The following FBN1 variants were observed in gnomAD, a reference collection of about 807,000 sequenced individuals.
FBN1 encodes the protein fibrillin-1.
In FBN1, 29 loss-of-function variants were observed where a neutral mutation model predicts 365.1. The observed-to-expected ratio is 0.08, with a 90% CI of 0.06 to 0.11. The LOEUF is 0.11. Among genes scored for constraint, FBN1 ranks in the 10% least tolerant of loss-of-function variants. The probability of loss-of-function intolerance (pLI) is 1.00; values close to 1 mark genes in which losing one functional copy is unlikely to be tolerated. For synonymous variants in FBN1, 1,210 were observed against 1,270.5 expected (o/e 0.95, Z 1.01); for missense variants, 2,476 against 3,703.2 (o/e 0.67, Z 8.60).
At chr15:48,454,163 C>G (rs2043222191) in intron 44 of FBN1, among the ~76,000 whole-genome samples, 1 of 152,214 alleles carries the variant, frequency 6.6e-6, no homozygotes, top group Admixed American at 6.5e-5. Context: ...CAGATTCTGA[C>G]TTGGCATGTC....
At chr15:48,434,994 G>A (rs767278130) in intron 53 of FBN1, among the ~76,000 whole-genome samples, 4 of 152,052 alleles carry the variant, frequency 2.6e-5, no homozygotes, top group East Asian at 3.9e-4. Context: ...ACAGGGTTTC[G>A]CCATGTTGGC....
In FBN1 at chr15:48,537,689, G is replaced by T. The variant is rs771509487; in HGVS notation, c.658C>A (p.Pro220Thr). The change falls in exon 7 of 66, where the codon CCC becomes ACC. Residue 220 changes from proline to threonine, a missense_variant. Around this residue, in one of 5 missense-constraint regions of FBN1, gnomAD observed 421 missense variants for 520.1 expected, o/e 0.81. Coordinates refer to ENST00000316623, the MANE Select transcript of FBN1 (RefSeq NM_000138.5). ...CATVGRAWGH[P>T]CEMCPAQPHP... Reference sequence around the variant, plus strand: ...GGCTGGGCAGGACACATCTCACAGGGGTGGCCCCAGGCTCGGCCGACTGTG... The same window carrying T: ...GGCTGGGCAGGACACATCTCACAGGTGTGGCCCCAGGCTCGGCCGACTGTG... The T allele has an allele frequency of 1.9e-6, 3 of 1,614,102 alleles. No individual in the cohort carries two copies. The highest frequency in any genetic ancestry group is 2.5e-6 in the Non-Finnish European group (3 of 1,180,048).
chr15:48,515,994 C>T (rs943589786), intron 11 of FBN1, among the ~76,000 whole-genome samples, 189 bp downstream of exon 11: 7 of 151,992 alleles, frequency 4.6e-5, no homozygotes, highest in African/African-American at 1.4e-4. Flanking sequence ...GGAAGCCTCC[C>T]GTTTTTCTCT....
chr15:48,604,599 A>G (rs925078346), intron 4 of FBN1, among the ~76,000 whole-genome samples: 1 of 152,224 alleles, frequency 6.6e-6, no homozygotes, highest in African/African-American at 2.4e-5. Context: ...AGAGAAGGAC[A>G]AGTTAAATGA....
chr15:48,583,292 G>C (rs16961196), intron 6 of FBN1, among the ~76,000 whole-genome samples: 1,899 of 152,260 alleles, frequency 0.012, 38 homozygotes, highest in African/African-American at 0.044. Context: ...TAACAAAACT[G>C]AACACTAACA....
chr15:48,468,636 T>C, intron 36 of FBN1, 102 bp from the exon 37 acceptor site: 2 of 1,223,940 alleles, frequency 1.6e-6, no homozygotes, highest in Non-Finnish European at 2.4e-6. Context: ...ACAAGAATTT[T>C]AAAGCTACTA....
intron 6 of FBN1, among the ~76,000 whole-genome samples, chr15:48,562,956 A>G (rs1009204063): frequency 1.3e-5 from 2 of 152,178 alleles, no homozygotes; most frequent in Admixed American, 6.5e-5. Context: ...AGATGTTTTT[A>G]TCTATTTGTA....
At chr15:48,626,344 G>GA (rs1447291885) in intron 2 of FBN1, among the ~76,000 whole-genome samples, 3 of 151,924 alleles carry the variant, frequency 2.0e-5, no homozygotes, top group South Asian at 2.1e-4. Context: ...AAATTAAAAG[G>GA]AAAAAATCTA....
chr15:48,633,930 C>T (rs1381295042), intron 2 of FBN1, among the ~76,000 whole-genome samples: 1 of 152,206 alleles, frequency 6.6e-6, no homozygotes, highest in African/African-American at 2.4e-5. Context: ...GCACTTGTTC[C>T]TGGACCTTCT....
At chr15:48,547,332 G>A (rs942603163) in intron 6 of FBN1, among the ~76,000 whole-genome samples, 7 of 152,152 alleles carry the variant, frequency 4.6e-5, no homozygotes, top group Admixed American at 1.3e-4. Flanking sequence ...GAATCCTGGC[G>A]TGGTGGGTGG....
intron 32 of FBN1, among the ~76,000 whole-genome samples, chr15:48,478,662 GA>G (rs2043443035): frequency 6.6e-6 from 1 of 152,180 alleles, no homozygotes; most frequent in African/African-American, 2.4e-5. Flanking sequence ...GCCAAGGATA[GA>G]AGAGCTGTGT....
intron 8 of FBN1, among the ~76,000 whole-genome samples, chr15:48,526,963 C>T (rs911316094): frequency 2.0e-5 from 3 of 152,220 alleles, no homozygotes; most frequent in Non-Finnish European, 4.4e-5. Context: ...CACACCCTTC[C>T]CAGGCACCCG....
intron 2 of FBN1, among the ~76,000 whole-genome samples, chr15:48,621,816 G>A (rs1207581690): frequency 5.3e-5 from 8 of 149,724 alleles, no homozygotes; most frequent in Admixed American, 2.0e-4. Flanking sequence ...GTGAAACCCC[G>A]TCTCTACTAA....
intron 6 of FBN1, among the ~76,000 whole-genome samples, chr15:48,582,608 A>G (rs1440738465): frequency 6.6e-6 from 1 of 152,198 alleles, no homozygotes; most frequent in African/African-American, 2.4e-5. Context: ...ACAGCAAATG[A>G]TTTACTGAAG....
chr15:48,545,198 G>T (rs2044085406), intron 6 of FBN1, among the ~76,000 whole-genome samples: 1 of 152,158 alleles, frequency 6.6e-6, no homozygotes, highest in Non-Finnish European at 1.5e-5. Context: ...CAAGAGGAAA[G>T]GGTCTTATGA....
At chr15:48,494,390 G>T in intron 22 of FBN1, 136 bp from the exon 23 acceptor site, 1 of 717,424 alleles carries the variant, frequency 1.4e-6, no homozygotes, top group Non-Finnish European at 2.5e-6. Flanking sequence ...ATAAGTATGA[G>T]ATAACAAAAT....
At chr15:48,472,704 T>C (rs755489972) in intron 34 of FBN1, 28 bp from the exon 35 acceptor site, 71 of 1,614,142 alleles carry the variant, frequency 4.4e-5, no homozygotes, top group Non-Finnish European at 5.9e-5. Flanking sequence ...CACACGTTAC[T>C]CTTCCTCGGT....
At chr15:48,475,662 TG>T (rs1467486862) in intron 32 of FBN1, among the ~76,000 whole-genome samples, 4 of 152,204 alleles carry the variant, frequency 2.6e-5, no homozygotes, top group Non-Finnish European at 4.4e-5. Context: ...GAATTTCCAG[TG>T]AACACTTGAA....
intron 6 of FBN1, among the ~76,000 whole-genome samples, chr15:48,540,404 A>G (rs1413155793): frequency 6.6e-6 from 1 of 152,166 alleles, no homozygotes; most frequent in Non-Finnish European, 1.5e-5. Context: ...ATACTTTTGA[A>G]TCCTGCTGGA....
Sources: gnomAD v4.1 joint callset for allele counts (sites outside exome capture counted in the v4.1 genomes callset) on GRCh38, gnomAD v4.1.1 for gene constraint, gnomAD v4.1.1 regional missense constraint, MANE v1.5 for transcripts, NCBI Gene and HGNC (gene_info 2026-07-23, HGNC 2026-07-21) for gene names.